The following CCSER1 variants were observed in gnomAD, a reference collection of about 807,000 sequenced individuals.
CCSER1 encodes the protein coiled-coil serine rich protein 1.
A neutral mutation model predicts 82.0 loss-of-function variants in CCSER1; 41 were observed. That is an observed-to-expected ratio of 0.50 (90% CI 0.39 to 0.65). CCSER1 has a LOEUF of 0.65. Among genes scored for constraint, CCSER1 ranks in the 30% least tolerant of loss-of-function variants. The pLI, the probability that CCSER1 is intolerant of heterozygous loss-of-function variation, is 0.00. For synonymous variants in CCSER1, 414 were observed against 383.9 expected (o/e 1.08, Z -0.92); for missense variants, 1,119 against 1,064.2 (o/e 1.05, Z -0.72).
chr4:90,918,517 C>G (rs1042645464), intron 8 of CCSER1, among the ~76,000 whole-genome samples: 3 of 151,888 alleles, frequency 2.0e-5, no homozygotes, highest in Non-Finnish European at 4.4e-5. Context: ...TTGATTTCTA[C>G]CACATTTCCT....
intron 10 of CCSER1, among the ~76,000 whole-genome samples, chr4:91,133,398 TA>T (rs999409801): frequency 6.6e-6 from 1 of 152,090 alleles, no homozygotes; most frequent in Admixed American, 6.6e-5. Context: ...TGAAGTCAGA[TA>T]TTGATCACAT....
intron 6 of CCSER1, among the ~76,000 whole-genome samples, chr4:90,651,790 C>A (rs1728800951): frequency 6.6e-6 from 1 of 152,076 alleles, no homozygotes; most frequent in Non-Finnish European, 1.5e-5. Flanking sequence ...CCTTCCAAGA[C>A]AAGTTTTGGC....
intron 1 of CCSER1, among the ~76,000 whole-genome samples, chr4:90,244,895 G>GA (rs2153436793): frequency 6.6e-6 from 1 of 152,240 alleles, no homozygotes; most frequent in Non-Finnish European, 1.5e-5. Flanking sequence ...CAGGTGAATA[G>GA]AAAATGAGCT....
chr4:91,458,649 G>C (rs1333760311), intron 10 of CCSER1, among the ~76,000 whole-genome samples: 1 of 152,110 alleles, frequency 6.6e-6, no homozygotes, highest in Non-Finnish European at 1.5e-5. Context: ...CATGAACATG[G>C]AATATCTTTC....
chr4:91,563,508 TATAGTGTTCC>T lies in CCSER1; in HGVS notation c.2218-35060_2218-35051del, dbSNP rs1448761964. 5.3e-5 allele frequency among the ~76,000 whole-genome samples: 8 copies of T among 151,322 alleles called. No homozygotes were observed. In the East Asian group the frequency reaches 1.6e-3, roughly 29 times the overall value. ...TGATCAAAACTCTCTGCAAATTAGA[TATAGTGTTCC>T]ATATCTACACACACAGTGTTCCATA... On this transcript the variant is annotated intron_variant, in intron 10 of 10. Coordinates refer to ENST00000509176, the MANE Select transcript of CCSER1 (RefSeq NM_001145065.2).
At chr4:91,383,555 T>C (rs1751078068) in intron 10 of CCSER1, among the ~76,000 whole-genome samples, 1 of 152,152 alleles carries the variant, frequency 6.6e-6, no homozygotes. Flanking sequence ...TTTAAGAGTT[T>C]AGGATAAATA....
intron 5 of CCSER1, among the ~76,000 whole-genome samples, chr4:90,510,411 A>C (rs1417745064): frequency 2.0e-5 from 3 of 152,224 alleles, no homozygotes; most frequent in African/African-American, 4.8e-5. Flanking sequence ...ACAAGTGAGA[A>C]TTAAAGTAGA....
At chr4:91,301,029 C>T (rs933277681) in intron 10 of CCSER1, among the ~76,000 whole-genome samples, 15 of 151,952 alleles carry the variant, frequency 9.9e-5, no homozygotes, top group Admixed American at 8.5e-4. Context: ...AATACTTTTA[C>T]ATTATATTCT....
At chr4:91,580,522 C>A (rs1206457570) in intron 10 of CCSER1, among the ~76,000 whole-genome samples, 3 of 151,628 alleles carry the variant, frequency 2.0e-5, no homozygotes, top group Admixed American at 6.6e-5. Context: ...CTGTAATATA[C>A]CCAGACTCAT....
chr4:90,635,951 G>A (rs1049218951), intron 6 of CCSER1, among the ~76,000 whole-genome samples: 23 of 151,506 alleles, frequency 1.5e-4, no homozygotes, highest in African/African-American at 5.3e-4. Context: ...AAATCCAAAC[G>A]AAGCATGTAG....
At chr4:90,672,194 C>G (rs1224923032) in intron 6 of CCSER1, among the ~76,000 whole-genome samples, 2 of 152,130 alleles carry the variant, frequency 1.3e-5, no homozygotes, top group Middle Eastern at 3.4e-3. Flanking sequence ...AGAGAGTCAG[C>G]CTGTCCTTGG....
intron 10 of CCSER1, among the ~76,000 whole-genome samples, chr4:91,367,434 C>CTTT (rs70965489): frequency 1.4e-5 from 2 of 142,036 alleles, no homozygotes; most frequent in East Asian, 2.0e-4. Flanking sequence ...TGATTTCTTT[C>CTTT]TTTTTTTTTT....
chr4:91,352,797 T>G (rs1483419009), intron 10 of CCSER1, among the ~76,000 whole-genome samples: 1 of 152,184 alleles, frequency 6.6e-6, no homozygotes, highest in Admixed American at 6.5e-5. Flanking sequence ...ATCTGCCATG[T>G]GCCAAACACT....
At chr4:91,241,795 G>T (rs1385091143) in intron 10 of CCSER1, among the ~76,000 whole-genome samples, 1 of 151,938 alleles carries the variant, frequency 6.6e-6, no homozygotes, top group African/African-American at 2.4e-5. Flanking sequence ...ATTAACTAAA[G>T]TATTATACCA....
chr4:91,565,560 T>C (rs1218954191), intron 10 of CCSER1, among the ~76,000 whole-genome samples: 3 of 152,104 alleles, frequency 2.0e-5, no homozygotes, highest in African/African-American at 7.2e-5. Context: ...TTTGTTTGTA[T>C]CTTCTCTGAT....
chr4:91,097,806 A>T (rs973708158), intron 10 of CCSER1, among the ~76,000 whole-genome samples: 1 of 152,190 alleles, frequency 6.6e-6, no homozygotes, highest in African/African-American at 2.4e-5. Context: ...TTAGGAAAAA[A>T]GTGTACATTT....
At chr4:90,550,116 T>C (rs1050262542) in intron 5 of CCSER1, among the ~76,000 whole-genome samples, 1 of 151,872 alleles carries the variant, frequency 6.6e-6, no homozygotes, top group African/African-American at 2.4e-5. Context: ...GGGAAGGGGG[T>C]CCCAGGGGAA....
chr4:90,272,051 A>G (rs1726634416), intron 1 of CCSER1, among the ~76,000 whole-genome samples: 1 of 151,278 alleles, frequency 6.6e-6, no homozygotes, highest in Admixed American at 6.6e-5. Flanking sequence ...ATCAGATCTC[A>G]TGAGAACTCA....
At chr4:90,601,400 A>G (rs1784024716) in intron 5 of CCSER1, among the ~76,000 whole-genome samples, 2 of 151,954 alleles carry the variant, frequency 1.3e-5, no homozygotes, top group Admixed American at 6.6e-5. Context: ...TGAATATTGG[A>G]AAAAAAGGCA....
Sources: allele counts gnomAD v4.1 joint callset (sites outside exome capture counted in the v4.1 genomes callset), GRCh38; gene constraint gnomAD v4.1.1; transcripts MANE v1.5; gene names NCBI Gene and HGNC (gene_info 2026-07-23, HGNC 2026-07-21).